Variants in ATP6V1B1 observed in about 807,000 individuals in gnomAD.
ATP6V1B1 encodes the protein ATPase H+ transporting V1 subunit B1, also known as V-type proton ATPase subunit B, kidney isoform.
Under a neutral mutation model 62.1 loss-of-function variants are expected in ATP6V1B1, and 41 were observed. That is an observed-to-expected ratio of 0.66 (90% CI 0.51 to 0.86). The LOEUF is 0.86. Among genes scored for constraint, ATP6V1B1 ranks in the 40% least tolerant of loss-of-function variants. ATP6V1B1 has a pLI of 0.00. For missense variants in ATP6V1B1, 651 were observed against 697.5 expected, an observed-to-expected ratio of 0.93 and a Z score of 0.75; for synonymous variants, 253 against 273.4, an observed-to-expected ratio of 0.93 and a Z score of 0.74.
In ATP6V1B1 at chr2:70,938,697, C is replaced by T. The variant is rs898102974; in HGVS notation, c.118+2625C>T. On this transcript the variant is annotated intron_variant, in intron 1 of 13. Coordinates refer to ENST00000234396, the MANE Select transcript of ATP6V1B1 (RefSeq NM_001692.4). The stretch of plus-strand genomic sequence containing the variant: ...GGAAAGAAGGGTCCCCTGTGCCTCC[C>T]GTGGAGCTAGAATGGTTCCCCAAGG... The T allele has an allele frequency of 2.6e-5, 26 of 985,266 alleles. No individual in the cohort carries two copies. The Admixed American group carries it at 9.2e-4, about 35-fold the overall frequency. The allele number at this position is 985,266 out of a possible 1,614,324, so 61.0% of individuals were successfully genotyped here.
intron 7 of ATP6V1B1, 100 bp downstream of exon 7, chr2:70,961,122 GT>G: frequency 1.5e-6 from 2 of 1,292,172 alleles, no homozygotes; most frequent in Non-Finnish European, 2.2e-6. Context: ...GAAGCCATCA[GT>G]GTCCCGGCCA....
chr2:70,938,340 C>T (rs1348648614), intron 1 of ATP6V1B1, among the ~76,000 whole-genome samples: 2 of 152,180 alleles, frequency 1.3e-5, no homozygotes, highest in Non-Finnish European at 2.9e-5. Context: ...ACCCTCAGTA[C>T]GCCAGAGGCA....
At chr2:70,956,660 T>C (rs1458665534) in intron 2 of ATP6V1B1, among the ~76,000 whole-genome samples, 1 of 152,204 alleles carries the variant, frequency 6.6e-6, no homozygotes, top group Non-Finnish European at 1.5e-5. Flanking sequence ...TGGAGTACAG[T>C]TGCATGATCT....
chr2:70,950,210 A>C (rs1553418053), intron 2 of ATP6V1B1, among the ~76,000 whole-genome samples: 1 of 152,114 alleles, frequency 6.6e-6, no homozygotes, highest in Admixed American at 6.6e-5. Context: ...ACCTCATATC[A>C]ATTTACTGCT....
At chr2:70,960,350 CT>C (rs1212553342) in intron 6 of ATP6V1B1, among the ~76,000 whole-genome samples, 5 of 152,210 alleles carry the variant, frequency 3.3e-5, no homozygotes, top group Non-Finnish European at 7.3e-5. Flanking sequence ...CTCACAGCCC[CT>C]ACCACCATCC....
At chr2:70,940,348 C>CAACCAAA in intron 1 of ATP6V1B1, 3 of 943,784 alleles carry the variant, frequency 3.2e-6, no homozygotes, top group Non-Finnish European at 3.8e-6. Context: ...ACACCCCCAC[C>CAACCAAA]TCCCTATCCA....
intron 2 of ATP6V1B1, among the ~76,000 whole-genome samples, chr2:70,953,640 A>G (rs1407632318): frequency 6.6e-6 from 1 of 152,184 alleles, no homozygotes; most frequent in Non-Finnish European, 1.5e-5. Context: ...TTGTGCATCC[A>G]TGTTCACGAG....
At chr2:70,958,965 G>T (rs1384066392) in intron 4 of ATP6V1B1, 53 bp from the exon 5 acceptor site, 2 of 1,562,928 alleles carry the variant, frequency 1.3e-6, no homozygotes, top group Non-Finnish European at 1.8e-6. Flanking sequence ...AGACAGTAGT[G>T]AGGGACACAG....
chr2:70,937,750 C>T (rs540209516), intron 1 of ATP6V1B1, among the ~76,000 whole-genome samples: 77 of 152,048 alleles, frequency 5.1e-4, no homozygotes, highest in African/African-American at 1.8e-3. Flanking sequence ...CTGGAAAGTG[C>T]CCCCACCTCC....
chr2:70,946,512 G>C (rs1680178395), intron 2 of ATP6V1B1, among the ~76,000 whole-genome samples: 2 of 152,220 alleles, frequency 1.3e-5, no homozygotes, highest in African/African-American at 4.8e-5. Flanking sequence ...CCAGAAGTCT[G>C]TCCTCACAAG....
chr2:70,945,702 A>T (rs1412218089), intron 2 of ATP6V1B1, among the ~76,000 whole-genome samples: 1 of 30,742 alleles, frequency 3.3e-5, no homozygotes, highest in African/African-American at 2.0e-4. Flanking sequence ...ATTTGAAGAG[A>T]TATATATATA....
chr2:70,952,384 T>C (rs1199430550), intron 2 of ATP6V1B1, among the ~76,000 whole-genome samples: 1 of 151,282 alleles, frequency 6.6e-6, no homozygotes. Flanking sequence ...AATTGCTTGA[T>C]CCTGGGAGGC....
intron 1 of ATP6V1B1, chr2:70,940,646 T>A (rs1553416263): frequency 2.0e-6 from 2 of 985,320 alleles, no homozygotes; most frequent in Non-Finnish European, 2.4e-6. Context: ...AGTCTTCCTA[T>A]GCCCAACAGC....
At position 70,964,725 on chromosome 2, in the gene ATP6V1B1, C is replaced by G. The variant is rs782803276; in HGVS notation, c.1249-11C>G. 1.2e-6 allele frequency: 2 copies of G among 1,613,388 alleles called. No individual in the cohort carries two copies. Among genetic ancestry groups the G allele is most frequent in the Non-Finnish European group, 1.7e-6 (2 of 1,179,932 alleles). The stretch of plus-strand genomic sequence containing the variant: ...CCCGCAGCGGCCACCGACGCCTTGC[C>G]CCTCCCCCAGTACGCCTGCTATGCC... On this transcript the variant is annotated splice_polypyrimidine_tract_variant and intron_variant, in intron 12 of 13. Transcript: ENST00000234396.
chr2:70,944,218 G>C lies in ATP6V1B1; in HGVS notation c.174+505G>C, dbSNP rs782238307. ...AGGCCTTTGGAATATCTCAGTCTCAGCAACATGGGTGGTAAGTGAAGTGGG... is the reference window on the plus strand; with the variant it reads ...AGGCCTTTGGAATATCTCAGTCTCACCAACATGGGTGGTAAGTGAAGTGGG... On this transcript the variant is annotated intron_variant, in intron 2 of 13. Coordinates refer to ENST00000234396, the MANE Select transcript of ATP6V1B1 (RefSeq NM_001692.4). The C allele has an allele frequency of 3.1e-6, 4 of 1,289,256 alleles. 1 individual carries two copies. In the South Asian group the frequency reaches 4.9e-5, roughly 16 times the overall value. 79.9% of individuals were successfully genotyped at this position (1,289,256 alleles called of 1,614,324 possible). A position where few individuals can be genotyped will look rare whatever the true frequency, so the allele number is the denominator to read the frequency against.
At chr2:70,950,070 A>G (rs759923360) in intron 2 of ATP6V1B1, among the ~76,000 whole-genome samples, 13 of 152,134 alleles carry the variant, frequency 8.5e-5, no homozygotes, top group Non-Finnish European at 1.9e-4. Flanking sequence ...CTAACTAGAT[A>G]TCCTCTTATG....
At chr2:70,961,100 T>C in intron 7 of ATP6V1B1, 78 bp downstream of exon 7, 1 of 1,430,596 alleles carries the variant, frequency 7.0e-7, no homozygotes, top group Non-Finnish European at 9.6e-7. Flanking sequence ...TGGCATGACC[T>C]GATCTGATGG....
Position 70,963,932 on chromosome 2 carries a change from C to A in ATP6V1B1, c.1143+278C>A. 1 of 535,106 alleles carries A rather than the reference C, an allele frequency of 1.9e-6. No homozygotes were observed. The allele number at this position is 535,106 out of a possible 1,614,324, so 33.1% of individuals were successfully genotyped here. On this transcript the variant is annotated intron_variant, in intron 11 of 13. Transcript: ENST00000234396. This position sits in a 1 kb window ranked among gnomAD's most constrained non-coding sequence, Gnocchi z 4.3. ...AATAATCAAATATATCACCCAGACG[C>A]ATTGTGGAGGATAAAAATAAGTTGG... is the stretch of plus-strand genomic sequence containing the variant.
intron 2 of ATP6V1B1, among the ~76,000 whole-genome samples, chr2:70,950,876 C>A (rs1192271329): frequency 1.3e-5 from 2 of 148,778 alleles, no homozygotes; most frequent in Admixed American, 1.3e-4. Context: ...TATATTATCT[C>A]ATTTGCTCTA....
Sources: gnomAD v4.1 joint callset for allele counts (sites outside exome capture counted in the v4.1 genomes callset) on GRCh38, gnomAD v4.1.1 for gene constraint, Gnocchi (gnomAD v3.1) non-coding constraint, MANE v1.5 for transcripts, NCBI Gene and HGNC (gene_info 2026-07-23, HGNC 2026-07-21) for gene names.